Variants in TRAK1 observed in about 807,000 individuals in gnomAD.
TRAK1 encodes the protein trafficking kinesin-binding protein 1.
In TRAK1, 33 loss-of-function variants were observed where a neutral mutation model predicts 92.1. The observed-to-expected ratio is 0.36, with a 90% CI of 0.27 to 0.48. The LOEUF is 0.48. TRAK1 is among the 20% of genes least tolerant of loss of function. The pLI is 0.99. For synonymous variants in TRAK1, 521 were observed against 517.3 expected, an observed-to-expected ratio of 1.01 and a Z score of -0.10; for missense variants, 1,123 against 1,257.9, an observed-to-expected ratio of 0.89 and a Z score of 1.62.
chr3:42,203,954 G>A (rs1220539188), intron 13 of TRAK1: 2 of 985,740 alleles, frequency 2.0e-6, no homozygotes, highest in Non-Finnish European at 2.4e-6. Context: ...TATAAGGTAA[G>A]GTTGTGCTTG....
chr3:42,091,657 C>T lies in TRAK1; in HGVS notation c.91+97C>T, dbSNP rs4974011. On this transcript the variant is annotated intron_variant, in intron 1 of 15. Coordinates refer to ENST00000327628, the MANE Select transcript of TRAK1 (RefSeq NM_001042646.3). ...AGGAGAAGCTGTCTCTCTCTTGCTCCGTGCTGCTTGGGAGGTTGTTCATGG... is the reference window on the plus strand; with the variant it reads ...AGGAGAAGCTGTCTCTCTCTTGCTCTGTGCTGCTTGGGAGGTTGTTCATGG... The T allele has an allele frequency of 2.5e-6, 3 of 1,223,302 alleles. No homozygotes were observed. The South Asian group carries it at 4.4e-5, about 18-fold the overall frequency. 75.8% of individuals were successfully genotyped at this position (1,223,302 alleles called of 1,614,324 possible).
In TRAK1 at chr3:42,202,130, A is replaced by G. The variant is rs1283656027; in HGVS notation, c.1428-306A>G. Among the ~76,000 whole-genome samples the G allele has an allele frequency of 6.6e-6, 1 of 152,126 alleles. No individual in the cohort carries two copies. The highest frequency in any genetic ancestry group is 2.4e-5 in the African/African-American group (1 of 41,434). On this transcript the variant is annotated intron_variant, in intron 12 of 15. Coordinates refer to ENST00000327628, the MANE Select transcript of TRAK1 (RefSeq NM_001042646.3). This position sits in a 1 kb window ranked among gnomAD's most constrained non-coding sequence, Gnocchi z 6.1. ...CTGGTAGCCAGGAACAGCAACCTAC[A>G]GGTTTCTTCCTAAAGGTTCTTCAGG...
chr3:42,156,329 G>A (rs1227875869), intron 2 of TRAK1, among the ~76,000 whole-genome samples: 1 of 152,206 alleles, frequency 6.6e-6, no homozygotes, highest in Non-Finnish European at 1.5e-5. Flanking sequence ...AGCAGGAGGG[G>A]AGGAAAGAAG....
intron 2 of TRAK1, among the ~76,000 whole-genome samples, chr3:42,135,873 GA>G (rs1358632109): frequency 1.3e-5 from 2 of 152,176 alleles, no homozygotes; most frequent in Non-Finnish European, 2.9e-5. Flanking sequence ...TCTACTGCCT[GA>G]ATATGTTGCC....
chr3:42,047,200 C>CTTT (rs561224807), intron 1 of TRAK1, among the ~76,000 whole-genome samples: 10 of 107,140 alleles, frequency 9.3e-5, no homozygotes, highest in African/African-American at 2.4e-4. Context: ...AAAAACTGAT[C>CTTT]TTTTTTTTTT....
chr3:42,055,060 C>T (rs1405091542), intron 1 of TRAK1, among the ~76,000 whole-genome samples: 1 of 151,934 alleles, frequency 6.6e-6, no homozygotes, highest in Admixed American at 6.6e-5. Context: ...GCTGGATTTA[C>T]AGGCATGTGC....
chr3:42,185,278 A>G (rs1170138942), intron 4 of TRAK1, among the ~76,000 whole-genome samples: 1 of 152,228 alleles, frequency 6.6e-6, no homozygotes, highest in African/African-American at 2.4e-5. Flanking sequence ...TACACAGAGG[A>G]AAGTGGTGAC....
chr3:42,031,431 G>A (rs1424793484), intron 1 of TRAK1, among the ~76,000 whole-genome samples: 1 of 151,820 alleles, frequency 6.6e-6, no homozygotes, highest in East Asian at 2.0e-4. Context: ...TGAGGCAGGA[G>A]GATAGCTTGA....
chr3:42,069,245 C>G (rs577186745), intron 1 of TRAK1, among the ~76,000 whole-genome samples: 1 of 149,872 alleles, frequency 6.7e-6, no homozygotes, highest in African/African-American at 2.5e-5. Context: ...TGCTTTAGCC[C>G]GGGAGGTCAA....
intron 2 of TRAK1, among the ~76,000 whole-genome samples, chr3:42,158,348 C>T (rs1427444950): frequency 2.6e-5 from 4 of 152,152 alleles, no homozygotes; most frequent in African/African-American, 9.7e-5. Context: ...GAATCACGCA[C>T]AAGGTGGAGG....
intron 3 of TRAK1, among the ~76,000 whole-genome samples, chr3:42,181,085 G>A (rs953272346): frequency 6.6e-6 from 1 of 152,164 alleles, no homozygotes; most frequent in African/African-American, 2.4e-5. Flanking sequence ...TGCTCTACTT[G>A]TTTCTCTTTC....
chr3:42,088,356 C>T (rs1704795439), upstream of TRAK1, among the ~76,000 whole-genome samples: 1 of 152,116 alleles, frequency 6.6e-6, no homozygotes, highest in South Asian at 2.1e-4. Flanking sequence ...CCTCCTCTCC[C>T]TTTTTGTTAA....
At chr3:42,063,593 G>C (rs1273482678) in intron 1 of TRAK1, among the ~76,000 whole-genome samples, 1 of 152,060 alleles carries the variant, frequency 6.6e-6, no homozygotes, top group East Asian at 1.9e-4. Flanking sequence ...GGCTGAGGTG[G>C]GATGATTGCT....
intron 1 of TRAK1, among the ~76,000 whole-genome samples, chr3:42,118,832 A>G (rs1055144425): frequency 5.3e-5 from 8 of 152,222 alleles, no homozygotes; most frequent in African/African-American, 1.9e-4. Context: ...AATGGTAGGT[A>G]TTGGATTGAC....
intron 1 of TRAK1, among the ~76,000 whole-genome samples, chr3:42,111,930 T>C (rs75914824): frequency 2.0e-5 from 3 of 151,276 alleles, no homozygotes; most frequent in African/African-American, 7.3e-5. Context: ...TTTTTTTTTT[T>C]CAAATCTAGA....
chr3:42,019,662 G>A (rs1289654753), intron 1 of TRAK1, among the ~76,000 whole-genome samples: 10 of 152,236 alleles, frequency 6.6e-5, no homozygotes, highest in African/African-American at 2.2e-4. Flanking sequence ...TTTGCAAAAT[G>A]TAGAACATAT....
intron 2 of TRAK1, among the ~76,000 whole-genome samples, chr3:42,140,814 G>A (rs1008920573): frequency 6.6e-6 from 1 of 152,192 alleles, no homozygotes; most frequent in Admixed American, 6.5e-5. Context: ...TCTGCCATAG[G>A]CTTCTTGGCT....
chr3:42,059,934 AAAGCATGGAGGACAGTGT>A (rs757975443), intron 1 of TRAK1, among the ~76,000 whole-genome samples: 185 of 152,326 alleles, frequency 1.2e-3, no homozygotes, highest in Non-Finnish European at 2.1e-3. Context: ...ATGATACAAT[AAAGCATGGAGGACAGTGT>A]TACAGGTACA....
At chr3:42,117,332 C>T (rs774894831) in intron 1 of TRAK1, among the ~76,000 whole-genome samples, 2 of 148,572 alleles carry the variant, frequency 1.3e-5, no homozygotes, top group Non-Finnish European at 3.0e-5. Context: ...TGAAACTGTG[C>T]TCCTGGCCGG....
Sources: gnomAD v4.1 joint callset for allele counts (sites outside exome capture counted in the v4.1 genomes callset) on GRCh38, gnomAD v4.1.1 for gene constraint, Gnocchi (gnomAD v3.1) non-coding constraint, MANE v1.5 for transcripts, NCBI Gene and HGNC (gene_info 2026-07-23, HGNC 2026-07-21) for gene names.